Variants in CCDC170 observed in about 807,000 individuals in gnomAD.
CCDC170 encodes the protein coiled-coil domain-containing protein 170.
In CCDC170, 69 loss-of-function variants were observed where a neutral mutation model predicts 72.6. That is an observed-to-expected ratio of 0.95 (90% confidence interval 0.78 to 1.16). The LOEUF is 1.16. Ranked by LOEUF, CCDC170 falls within the 50% of genes most tolerant of loss-of-function variation. The pLI is 0.00. For synonymous variants in CCDC170, 300 were observed against 303.9 expected (o/e 0.99, Z 0.13); for missense variants, 852 against 832.5 (o/e 1.02, Z -0.29).
intron 4 of CCDC170, 111 bp downstream of exon 4, chr6:151,544,827 AC>A: frequency 1.0e-6 from 1 of 1,002,114 alleles, no homozygotes; most frequent in Non-Finnish European, 1.5e-6. Flanking sequence ...GGCACAGTAG[AC>A]CAAGTGTAGT....
chr6:151,618,434 G>T lies in CCDC170; in HGVS notation c.*287G>T. ...TGGGAGTGGGAGATAATATTGGGAG[G>T]TATCTATTTTAAGTCAGGGGCTTTA... is the stretch of plus-strand genomic sequence containing the variant. On this transcript the variant is annotated 3_prime_UTR_variant, in exon 11 of 11. Transcript: ENST00000239374. 2.7e-6 allele frequency: 1 copy of T among 376,594 alleles called. No individual in the cohort carries two copies. Among genetic ancestry groups the T allele is most frequent in the Non-Finnish European group, 4.8e-6 (1 of 207,146 alleles). 23.3% of individuals were successfully genotyped at this position (376,594 alleles called of 1,614,324 possible).
At chr6:151,509,226 C>CTATG (rs539141285) in intron 1 of CCDC170, among the ~76,000 whole-genome samples, 137 of 139,992 alleles carry the variant, frequency 9.8e-4, no homozygotes, top group East Asian at 1.6e-3. Context: ...ATCTATGTAT[C>CTATG]TATCTATCTA....
chr6:151,561,857 TTGAAGATTTG>T, intron 5 of CCDC170, among the ~76,000 whole-genome samples: 1 of 152,260 alleles, frequency 6.6e-6, no homozygotes, highest in East Asian at 1.9e-4. Context: ...TGCCAATAAG[TTGAAGATTTG>T]TGAAGATTTG....
chr6:151,543,778 A>G (rs1030786168), intron 3 of CCDC170, among the ~76,000 whole-genome samples: 1 of 152,200 alleles, frequency 6.6e-6, no homozygotes, highest in African/African-American at 2.4e-5. Flanking sequence ...AGGTTCATCC[A>G]TATTGCCACT....
chr6:151,605,871 G>T (rs956097771), intron 9 of CCDC170, among the ~76,000 whole-genome samples: 3 of 151,228 alleles, frequency 2.0e-5, no homozygotes, highest in African/African-American at 7.3e-5. Flanking sequence ...GGTTCCGGGG[G>T]ACAGTGCCAC....
At chr6:151,545,427 C>CAA (rs202013994) in intron 4 of CCDC170, among the ~76,000 whole-genome samples, 1 of 150,730 alleles carries the variant, frequency 6.6e-6, no homozygotes, top group African/African-American at 2.4e-5. Flanking sequence ...ATAAACAAAA[C>CAA]AAAACAAAAT....
chr6:151,551,810 C>G (rs1782883119), intron 5 of CCDC170, among the ~76,000 whole-genome samples: 1 of 152,180 alleles, frequency 6.6e-6, no homozygotes, highest in Non-Finnish European at 1.5e-5. Flanking sequence ...GAACCACCAC[C>G]AGCAAAGTCG....
chr6:151,529,276 T>A (rs1228021905), intron 1 of CCDC170, among the ~76,000 whole-genome samples: 9 of 152,236 alleles, frequency 5.9e-5, no homozygotes, highest in African/African-American at 2.2e-4. Flanking sequence ...TGCATAGGAT[T>A]CAATAGTATA....
At chr6:151,601,362 G>A (rs1776706029) in intron 9 of CCDC170, among the ~76,000 whole-genome samples, 1 of 152,186 alleles carries the variant, frequency 6.6e-6, no homozygotes, top group Non-Finnish European at 1.5e-5. Flanking sequence ...TGGTGACACA[G>A]CCAAACCATA....
intron 9 of CCDC170, among the ~76,000 whole-genome samples, chr6:151,599,445 A>G (rs934682249): frequency 2.0e-5 from 3 of 152,210 alleles, no homozygotes; most frequent in Non-Finnish European, 2.9e-5. Context: ...AGTGACAGTC[A>G]ATGCAATAAT....
chr6:151,498,083 AC>A (rs1781937282), intron 1 of CCDC170, among the ~76,000 whole-genome samples: 1 of 152,180 alleles, frequency 6.6e-6, no homozygotes, highest in South Asian at 2.1e-4. Flanking sequence ...GTGAGAAGCC[AC>A]AGACATATGG....
chr6:151,545,929 C>T (rs1239733581), intron 4 of CCDC170, among the ~76,000 whole-genome samples: 1 of 152,124 alleles, frequency 6.6e-6, no homozygotes, highest in Admixed American at 6.5e-5. Flanking sequence ...CCACCATGCC[C>T]AGCACCCATG....
At chr6:151,583,839 A>G (rs1046827575) in intron 6 of CCDC170, among the ~76,000 whole-genome samples, 1 of 152,200 alleles carries the variant, frequency 6.6e-6, no homozygotes, top group Non-Finnish European at 1.5e-5. Flanking sequence ...GTGTCTCAGG[A>G]AATAGGGAGG....
chr6:151,497,847 G>T (rs1267117859), intron 1 of CCDC170, among the ~76,000 whole-genome samples: 1 of 150,784 alleles, frequency 6.6e-6, no homozygotes, highest in African/African-American at 2.4e-5. Context: ...TTGGTGGCAG[G>T]TGCCTGTAAT....
Position 151,573,211 on chromosome 6 carries a change from A to G in CCDC170, c.812A>G (p.Glu271Gly), listed in dbSNP as rs1368872748. The change falls in exon 6 of 11, where the codon GAA becomes GGA. Residue 271 changes from glutamate to glycine, a missense_variant. By Grantham distance (98) the Glu-to-Gly change is moderately conservative (BLOSUM62 -2). Coordinates refer to ENST00000239374, the MANE Select transcript of CCDC170 (RefSeq NM_025059.4). ...LSAVEAKEALEREVKIFQERL... is the reference protein window; with the variant it reads ...LSAVEAKEALGREVKIFQERL... ...GCTGTAGAAGCAAAAGAAGCTCTTG[A>G]AAGGGAAGTTAAGATCTTCCAAGAA... 9 of 1,613,926 alleles carry G rather than the reference A, an allele frequency of 5.6e-6. No individual in the cohort carries two copies. Among genetic ancestry groups the G allele is most frequent in the Middle Eastern group, 1.7e-4 (1 of 5,972 alleles).
chr6:151,515,350 T>C (rs894890452), intron 1 of CCDC170, among the ~76,000 whole-genome samples: 1 of 152,218 alleles, frequency 6.6e-6, no homozygotes, highest in Non-Finnish European at 1.5e-5. Flanking sequence ...TGGTGTGATC[T>C]TGGCTCACTG....
At chr6:151,592,700 A>G (rs1428775570) in intron 7 of CCDC170, among the ~76,000 whole-genome samples, 1 of 152,200 alleles carries the variant, frequency 6.6e-6, no homozygotes, top group Non-Finnish European at 1.5e-5. Context: ...AGGATGAGAT[A>G]TGAGTGGTGA....
intron 5 of CCDC170, among the ~76,000 whole-genome samples, chr6:151,553,325 A>G (rs531879281): frequency 2.6e-5 from 4 of 152,178 alleles, no homozygotes; most frequent in Non-Finnish European, 4.4e-5. Flanking sequence ...CTCTTTCCAT[A>G]TATATTCACA....
At position 151,558,660 on chromosome 6, in the gene CCDC170, G is replaced by A. The variant is rs78801714; in HGVS notation, c.774+10171G>A. 7.9e-5 allele frequency among the ~76,000 whole-genome samples: 12 copies of A among 152,168 alleles called. No individual in the cohort carries two copies. In the East Asian group the frequency reaches 1.2e-3, roughly 15 times the overall value. Reference sequence around the variant, plus strand: ...TTTATTGAAGAGGCTCTCTTTTACCGCAATGTATATGCTTGGCACCATTGT... The same window carrying A: ...TTTATTGAAGAGGCTCTCTTTTACCACAATGTATATGCTTGGCACCATTGT... On this transcript the variant is annotated intron_variant, in intron 5 of 10. Coordinates refer to ENST00000239374, the MANE Select transcript of CCDC170 (RefSeq NM_025059.4).
Sources: allele counts gnomAD v4.1 joint callset (sites outside exome capture counted in the v4.1 genomes callset), GRCh38; gene constraint gnomAD v4.1.1; transcripts MANE v1.5; gene names NCBI Gene and HGNC (gene_info 2026-07-23, HGNC 2026-07-21).